Variants in MSRB2 observed in about 807,000 individuals in gnomAD.
MSRB2 encodes methionine sulfoxide reductase B2, also known as methionine-R-sulfoxide reductase B2, mitochondrial.
In MSRB2, 17 loss-of-function variants were observed where a neutral mutation model predicts 19.0. The observed-to-expected ratio is 0.89, with a 90% CI of 0.61 to 1.34. MSRB2 has a LOEUF of 1.34. Ranked by LOEUF, MSRB2 falls within the 40% of genes most tolerant of loss-of-function variation. The probability of loss-of-function intolerance (pLI) is 0.00; values close to 1 mark genes in which losing one functional copy is unlikely to be tolerated. For missense variants in MSRB2, 208 were observed against 237.6 expected (o/e 0.88, Z 0.82); for synonymous variants, 107 against 99.7 (o/e 1.07, Z -0.44).
rs1422139042 is a variant in MSRB2 at position 23,095,705 on chromosome 10, G to T, written c.97G>T (p.Gly33Trp). ...GQAGGGGPGT[G>W]PGLGEAGSLA... ...AGCGGGCGGCGGCGGGCCCGGCACCGGGCCGGGACTGGGGGAGGCAGGTAG... is the reference window on the plus strand; with the variant it reads ...AGCGGGCGGCGGCGGGCCCGGCACCTGGCCGGGACTGGGGGAGGCAGGTAG... The change falls in exon 1 of 5, where the codon GGG (glycine) becomes TGG (tryptophan). Residue 33 changes from glycine (G) to tryptophan (W), a missense_variant. Coordinates refer to ENST00000376510, the MANE Select transcript of MSRB2 (RefSeq NM_012228.4). 5.6e-5 allele frequency: 73 copies of T among 1,295,990 alleles called. No individual in the cohort carries two copies. Among genetic ancestry groups the T allele is most frequent in the Non-Finnish European group, 7.0e-5 (72 of 1,028,496 alleles). 80.3% of individuals were successfully genotyped at this position (1,295,990 alleles called of 1,614,324 possible).
At chr10:23,117,737 T>C (rs920119133) in intron 3 of MSRB2, among the ~76,000 whole-genome samples, 2 of 152,200 alleles carry the variant, frequency 1.3e-5, no homozygotes, top group Non-Finnish European at 2.9e-5. Flanking sequence ...ACTACAGGCA[T>C]GCACCACCAT....
chr10:23,113,794 G>A (rs560525093), intron 3 of MSRB2, among the ~76,000 whole-genome samples: 1 of 152,206 alleles, frequency 6.6e-6, no homozygotes, highest in African/African-American at 2.4e-5. Flanking sequence ...TTGGTGATCC[G>A]CAGCTACAAA....
rs545261822 is a variant in MSRB2 at position 23,110,522 on chromosome 10, A to C, written c.296+204A>C. On this transcript the variant is annotated intron_variant, in intron 3 of 4. Coordinates refer to ENST00000376510, the MANE Select transcript of MSRB2 (RefSeq NM_012228.4). ...CTTGACTTTTTTTTCTAGCATTTAG[A>C]GCCATTAACAAGACTTCTTAGCTTA... Among the ~76,000 whole-genome samples the C allele has an allele frequency of 5.1e-4, 77 of 152,190 alleles. 3 individuals carry two copies. The South Asian group carries it at 0.016, about 31-fold the overall frequency.
rs1299152345 is a variant in MSRB2, at chr10:23,120,879, C to T, written c.*17C>T. On this transcript the variant is annotated 3_prime_UTR_variant, in exon 5 of 5. Transcript: ENST00000376510. ...AAACACTGACCATCTTCAAGAGTCC[C>T]GTTCCCTTGCCACCCCTTCACGTGC... is the stretch of plus-strand genomic sequence containing the variant. 3.8e-6 allele frequency: 6 copies of T among 1,588,634 alleles called. No individual in the cohort carries two copies. The highest frequency in any genetic ancestry group is 1.7e-5 in the Admixed American group (1 of 59,298).
chr10:23,096,609 G>A (rs1021613149), intron 1 of MSRB2, among the ~76,000 whole-genome samples: 5 of 152,168 alleles, frequency 3.3e-5, no homozygotes, highest in Non-Finnish European at 7.3e-5. Flanking sequence ...TGATGAAAAT[G>A]TACCAACTCA....
intron 3 of MSRB2, among the ~76,000 whole-genome samples, chr10:23,110,787 C>T (rs1457911369): frequency 2.6e-5 from 4 of 152,006 alleles, no homozygotes; most frequent in South Asian, 4.1e-4. Context: ...TTGACAGTAG[C>T]GAATACCATA....
chr10:23,101,718 G>C (rs1468035670), intron 1 of MSRB2, among the ~76,000 whole-genome samples: 1 of 152,198 alleles, frequency 6.6e-6, no homozygotes, highest in East Asian at 1.9e-4. Context: ...CCAGTGAGAT[G>C]AGTAACTTTG....
chr10:23,099,685 T>C (rs996491205), intron 1 of MSRB2, among the ~76,000 whole-genome samples: 1 of 152,156 alleles, frequency 6.6e-6, no homozygotes, highest in Admixed American at 6.5e-5. Flanking sequence ...TGCGTATGAA[T>C]AGCCATTGTG....
chr10:23,100,609 G>A (rs559542051), intron 1 of MSRB2, among the ~76,000 whole-genome samples: 1 of 152,292 alleles, frequency 6.6e-6, no homozygotes, highest in South Asian at 2.1e-4. Flanking sequence ...ATCTTACATG[G>A]TCAGAGCAGG....
intron 3 of MSRB2, among the ~76,000 whole-genome samples, chr10:23,118,419 A>C (rs145346603): frequency 2.3e-5 from 3 of 130,800 alleles, no homozygotes; most frequent in East Asian, 4.8e-4. Context: ...TTTCCTTGCC[A>C]CAGCAATTTT....
chr10:23,098,204 C>A (rs1643970413), intron 1 of MSRB2, among the ~76,000 whole-genome samples: 1 of 152,056 alleles, frequency 6.6e-6, no homozygotes. Context: ...CTAAAGAGTT[C>A]CATTAGATTC....
chr10:23,121,143 T>A lies in MSRB2; in HGVS notation c.*281T>A. On this transcript the variant is annotated 3_prime_UTR_variant, in exon 5 of 5. Coordinates refer to ENST00000376510, the MANE Select transcript of MSRB2 (RefSeq NM_012228.4). ...AAACAAAATTAAAAAGAAAAAAAAA[T>A]ACCTGAGACTGAGTAACTTATAAAG... 1 of 358,682 alleles carries A rather than the reference T, an allele frequency of 2.8e-6. No homozygotes were observed. The highest frequency in any genetic ancestry group is 5.0e-6 in the Non-Finnish European group (1 of 199,820). 22.2% of individuals were successfully genotyped at this position (358,682 alleles called of 1,614,324 possible).
At position 23,105,037 on chromosome 10, in the gene MSRB2, G is replaced by GA. The variant is rs568759884; in HGVS notation, c.219+798dup. The stretch of plus-strand genomic sequence containing the variant: ...GTGGTGGCTGGCCTAGTAGGCATCC[G>GA]AAAAATCAACTTTTGTGAATGTTGA... On this transcript the variant is annotated intron_variant, in intron 2 of 4. Coordinates refer to ENST00000376510, the MANE Select transcript of MSRB2 (RefSeq NM_012228.4). Among the ~76,000 whole-genome samples, 351 of 152,250 alleles carry GA rather than the reference G, an allele frequency of 2.3e-3. 2 individuals are homozygous for GA. Among genetic ancestry groups the GA allele is most frequent in the Non-Finnish European group, 4.2e-3 (284 of 68,026 alleles).
chr10:23,112,691 C>T (rs1024450465), intron 3 of MSRB2, among the ~76,000 whole-genome samples: 10 of 152,164 alleles, frequency 6.6e-5, no homozygotes, highest in African/African-American at 2.4e-4. Flanking sequence ...CAGGTTGAAG[C>T]GATTCTCCTG....
At chr10:23,095,919 G>C in intron 1 of MSRB2, among the ~76,000 whole-genome samples, 193 bp downstream of exon 1, 1 of 152,080 alleles carries the variant, frequency 6.6e-6, no homozygotes, top group East Asian at 1.9e-4. Context: ...GGCAGGGTGG[G>C]GACTGACCCC....
At chr10:23,115,840 C>A (rs1027511536) in intron 3 of MSRB2, among the ~76,000 whole-genome samples, 11 of 152,010 alleles carry the variant, frequency 7.2e-5, no homozygotes, top group African/African-American at 2.7e-4. Context: ...TTTTTATTAG[C>A]CTTAGTTTCA....
In MSRB2 at chr10:23,104,202, C is replaced by A. The variant is rs553628551; in HGVS notation, c.177C>A (p.Thr59=). 14 of 1,613,822 alleles carry A rather than the reference C, an allele frequency of 8.7e-6. No individual in the cohort carries two copies. The South Asian group carries it at 1.5e-4, about 18-fold the overall frequency. Residue 59 remains threonine, a synonymous_variant, in exon 2 of 5, where the codon ACC becomes ACA. Coordinates refer to ENST00000376510, the MANE Select transcript of MSRB2 (RefSeq NM_012228.4). ...AGAGTGAGTGGCAAAAGAAACTAAC[C>A]CCGGAGCAGTTCTACGTCACAAGAG... ...LAKSEWQKKL[T]PEQFYVTREK...
chr10:23,099,435 A>G (rs1839902789), intron 1 of MSRB2, among the ~76,000 whole-genome samples: 1 of 152,226 alleles, frequency 6.6e-6, no homozygotes, highest in Non-Finnish European at 1.5e-5. Flanking sequence ...AAAATAGTGT[A>G]AAAGGTCCAC....
intron 1 of MSRB2, among the ~76,000 whole-genome samples, chr10:23,096,627 C>G (rs1839872973): frequency 6.6e-6 from 1 of 152,192 alleles, no homozygotes; most frequent in Non-Finnish European, 1.5e-5. Flanking sequence ...TCATTCTGAG[C>G]TCTTTTTAGC....
Sources: gnomAD v4.1 joint callset for allele counts (sites outside exome capture counted in the v4.1 genomes callset) on GRCh38, gnomAD v4.1.1 for gene constraint, MANE v1.5 for transcripts, NCBI Gene and HGNC (gene_info 2026-07-23, HGNC 2026-07-21) for gene names.